The following TMEM201 variants were observed in gnomAD, a reference collection of about 807,000 sequenced individuals.
The protein encoded by TMEM201 is transmembrane protein 201, also known as RP13-15M17.2.
Under a neutral mutation model 63.4 loss-of-function variants are expected in TMEM201, and 26 were observed. The ratio of observed to expected loss-of-function variants is 0.41; its 90% CI spans 0.30 to 0.57. The LOEUF (loss-of-function observed/expected upper bound fraction) is 0.57, where lower values mean the gene tolerates loss of function less well. Among genes scored for constraint, TMEM201 ranks in the 20% least tolerant of loss-of-function variants. The pLI, the probability that TMEM201 is intolerant of heterozygous loss-of-function variation, is 0.29. For missense variants in TMEM201, 794 were observed against 917.7 expected (o/e 0.87, Z 1.74); for synonymous variants, 417 against 421.6 (o/e 0.99, Z 0.14).
Position 9,604,374 on chromosome 1 carries a change from TC to T in TMEM201, c.1160+2104del. The T allele has an allele frequency of 1.0e-6, 1 of 985,458 alleles. No homozygotes were observed. Among genetic ancestry groups the T allele is most frequent in the Non-Finnish European group, 1.2e-6 (1 of 829,938 alleles). The allele number at this position is 985,458 out of a possible 1,614,324, so 61.0% of individuals were successfully genotyped here. On this transcript the variant is annotated intron_variant, in intron 6 of 10. Transcript: ENST00000340381. This position sits in a 1 kb window ranked among gnomAD's most constrained non-coding sequence, Gnocchi z 4.1. ...AGGTAGCTCTCAGCAGAGTGAGGAT[TC>T]CTGCCTTTCGTAGAGTTTTGTGTGA... is the stretch of plus-strand genomic sequence containing the variant.
intron 3 of TMEM201, among the ~76,000 whole-genome samples, chr1:9,598,171 C>G (rs949710357): frequency 6.6e-6 from 1 of 152,230 alleles, no homozygotes; most frequent in African/African-American, 2.4e-5. Flanking sequence ...AGCTCCTGGC[C>G]TGCGGGTGCG....
rs1046283000 is a variant in TMEM201 at position 9,603,663 on chromosome 1, G to T, written c.1160+1391G>T. 5 of 985,486 alleles carry T rather than the reference G, an allele frequency of 5.1e-6. 1 individual carries two copies. Among genetic ancestry groups the T allele is most frequent in the African/African-American group, 3.5e-5 (2 of 57,354 alleles). The allele number at this position is 985,486 out of a possible 1,614,324, so 61.0% of individuals were successfully genotyped here. A position where few individuals can be genotyped will look rare whatever the true frequency, so the allele number is the denominator to read the frequency against. On this transcript the variant is annotated intron_variant, in intron 6 of 10. Coordinates refer to ENST00000340381, the MANE Select transcript of TMEM201 (RefSeq NM_001130924.3). The surrounding 1 kb of genome is among the most constrained non-coding windows in gnomAD (Gnocchi z 4.5). ...ACCTGGGTCTGCCGGGATGGGTTGG[G>T]GGGGCAGGTGCCAGGCCTCACTGCT...
Position 9,607,733 on chromosome 1 carries a change from C to T in TMEM201, c.1337C>T (p.Pro446Leu). 1 of 1,551,758 alleles carries T rather than the reference C, an allele frequency of 6.4e-7. No homozygotes were observed. Among genetic ancestry groups the T allele is most frequent in the Non-Finnish European group, 8.7e-7 (1 of 1,147,072 alleles). ...SPRRTSPSSL[P>L]GRLSRALSLG... Reference sequence around the variant, plus strand: ...CGACGGACCTCACCCTCCTCATTGCCTGGCCGCCTCAGCCGGGCCCTCTCT... The same window carrying T: ...CGACGGACCTCACCCTCCTCATTGCTTGGCCGCCTCAGCCGGGCCCTCTCT... Residue 446 changes from proline to leucine, a missense_variant, in exon 7 of 11, where the codon CCT becomes CTT. By Grantham distance (98) the Pro-to-Leu change is moderately conservative (BLOSUM62 -3). Coordinates refer to ENST00000340381, the MANE Select transcript of TMEM201 (RefSeq NM_001130924.3). The surrounding 1 kb of genome is among the most constrained non-coding windows in gnomAD (Gnocchi z 5.4).
intron 1 of TMEM201, among the ~76,000 whole-genome samples, chr1:9,594,010 CT>C (rs1423190034): frequency 6.6e-6 from 1 of 152,264 alleles, no homozygotes; most frequent in African/African-American, 2.4e-5. Flanking sequence ...AGCGAGTCTC[CT>C]TCCCTGGCTG....
intron 4 of TMEM201, among the ~76,000 whole-genome samples, chr1:9,599,833 C>T (rs1046424510): frequency 1.4e-5 from 2 of 147,436 alleles, no homozygotes; most frequent in Middle Eastern, 4.0e-3. Flanking sequence ...CTCCTGAGCT[C>T]GTGATCCGCC....
In TMEM201 at chr1:9,602,272, G is replaced by T; in HGVS notation, c.1160G>T (p.Arg387Met). 1 of 1,611,012 alleles carries T rather than the reference G, an allele frequency of 6.2e-7. No homozygotes were observed. Among genetic ancestry groups the T allele is most frequent in the Non-Finnish European group, 8.5e-7 (1 of 1,179,726 alleles). ...ATGPRRFRPR[R>M]FFPGDSAGLF... ...GGCCCACGGAGGTTCCGGCCCCGAA[G>T]GTCAGAGAAGCAGCCATGACTGCGG... is the stretch of plus-strand genomic sequence containing the variant. The change falls in exon 6 of 11, where the codon AGG becomes ATG. Residue 387 changes from arginine to methionine, a missense_variant and splice_region_variant. Coordinates refer to ENST00000340381, the MANE Select transcript of TMEM201 (RefSeq NM_001130924.3).
intron 3 of TMEM201, 137 bp downstream of exon 3, chr1:9,597,190 G>T (rs1644041161): frequency 9.3e-7 from 1 of 1,070,674 alleles, no homozygotes; most frequent in Non-Finnish European, 1.3e-6. Flanking sequence ...TCTGTTCTGA[G>T]TGCCCAAAGG....
At chr1:9,598,329 C>T in intron 3 of TMEM201, 120 bp from the exon 4 acceptor site, 1 of 1,245,592 alleles carries the variant, frequency 8.0e-7, no homozygotes, top group South Asian at 1.4e-5. Context: ...GTGGGGTTGA[C>T]TTGCCCCCGG....
chr1:9,602,857 A>C, intron 6 of TMEM201: 1 of 985,654 alleles, frequency 1.0e-6, no homozygotes, highest in Non-Finnish European at 1.2e-6. Flanking sequence ...CCGGCCCTGC[A>C]GGAGGTGGTG....
At position 9,607,623 on chromosome 1, in the gene TMEM201, T is replaced by G; in HGVS notation, c.1227T>G (p.Ser409Arg). The change falls in exon 7 of 11, where the codon AGT (serine) becomes AGG (arginine). Residue 409 changes from serine to arginine, a missense_variant. Ser to Arg is a moderately radical substitution (Grantham distance 110, BLOSUM62 -1). Transcript: ENST00000340381. This position sits in a 1 kb window ranked among gnomAD's most constrained non-coding sequence, Gnocchi z 5.4. ...TSPSLAIPHP[S>R]VGGSPASLFI... ...CCAGCTTGGCCATCCCTCACCCGAG[T>G]GTCGGAGGCTCTCCAGCGTCTCTGT... is the stretch of plus-strand genomic sequence containing the variant. 6.4e-7 allele frequency: 1 copy of G among 1,551,532 alleles called. No homozygotes were observed. Among genetic ancestry groups the G allele is most frequent in the Non-Finnish European group, 8.7e-7 (1 of 1,147,008 alleles).
chr1:9,596,716 G>A (rs1644026537), intron 2 of TMEM201, 143 bp from the exon 3 acceptor site: 3 of 843,090 alleles, frequency 3.6e-6, no homozygotes, highest in Admixed American at 3.0e-5. Context: ...AGCAGCTGCT[G>A]TTGTGTGCAG....
rs769768446 is a variant in TMEM201, at chr1:9,601,414, CT to C, written c.917del (p.Leu306ProfsTer47). ...HQTGVVALGL[L>X]TCLLAMLLAG... ...GACGGGCGTCGTGGCACTGGGCCTA[CT>C]CACCTGCCTGCTGGCAATGCTGCTG... On this transcript the variant is annotated frameshift_variant, in exon 5 of 11. Transcript: ENST00000340381. LOFTEE classifies it high-confidence loss of function. The C allele has an allele frequency of 6.3e-7, 1 of 1,596,702 alleles. No homozygotes were observed. The highest frequency in any genetic ancestry group is 1.1e-5 in the South Asian group (1 of 90,786).
chr1:9,590,971 G>T (rs1643909396), intron 1 of TMEM201, among the ~76,000 whole-genome samples: 1 of 152,228 alleles, frequency 6.6e-6, no homozygotes, highest in Non-Finnish European at 1.5e-5. Flanking sequence ...CGACTTGGCT[G>T]GGTGGGTGTT....
intron 1 of TMEM201, among the ~76,000 whole-genome samples, chr1:9,591,118 CTCAG>C (rs1272110313): frequency 2.6e-5 from 4 of 152,224 alleles, no homozygotes; most frequent in Non-Finnish European, 5.9e-5. Flanking sequence ...CTCCCACAGC[CTCAG>C]TCAGGGCCCG....
In TMEM201 at chr1:9,611,844, G is replaced by A. The variant is rs199833701; in HGVS notation, c.1857G>A (p.Val619=). Residue 619 remains valine, a synonymous_variant, in exon 10 of 11, where the codon GTG becomes GTA. Transcript: ENST00000340381. The part of the protein sequence containing the change: ...DDSSQSSTCV[V]DTTTRGCSEE... Reference sequence around the variant, plus strand: ...CTTCCCAGTCATCTACCTGTGTGGTGGACACCACCACCAGGGGCTGCTCGG... The same window carrying A: ...CTTCCCAGTCATCTACCTGTGTGGTAGACACCACCACCAGGGGCTGCTCGG... 3.8e-5 allele frequency: 59 copies of A among 1,550,620 alleles called. No homozygotes were observed. Among genetic ancestry groups the A allele is most frequent in the Non-Finnish European group, 4.2e-5 (48 of 1,146,978 alleles).
Position 9,608,798 on chromosome 1 carries a change from C to G in TMEM201, c.1393+1009C>G, listed in dbSNP as rs1052344477. Among the ~76,000 whole-genome samples the G allele has an allele frequency of 2.0e-5, 3 of 152,200 alleles. No homozygotes were observed. Among genetic ancestry groups the G allele is most frequent in the African/African-American group, 7.2e-5 (3 of 41,460 alleles). ...GCAATCTCCCTGTTAAGGCTCAAGG[C>G]AGGGACACAGTAGCGACCTGTCTGA... On this transcript the variant is annotated intron_variant, in intron 7 of 10. Coordinates refer to ENST00000340381, the MANE Select transcript of TMEM201 (RefSeq NM_001130924.3). The surrounding 1 kb of genome is among the most constrained non-coding windows in gnomAD (Gnocchi z 4.3).
At chr1:9,591,009 G>A (rs1186738522) in intron 1 of TMEM201, among the ~76,000 whole-genome samples, 1 of 152,216 alleles carries the variant, frequency 6.6e-6, no homozygotes, top group African/African-American at 2.4e-5. Context: ...GATGGACAGA[G>A]AGGAAGATGT....
At chr1:9,595,540 C>T (rs1201571538) in intron 1 of TMEM201, among the ~76,000 whole-genome samples, 1 of 152,144 alleles carries the variant, frequency 6.6e-6, no homozygotes, top group Non-Finnish European at 1.5e-5. Context: ...GTGTGAGCCC[C>T]AGGCCACCAG....
At chr1:9,590,359 C>A (rs1643899967) in intron 1 of TMEM201, among the ~76,000 whole-genome samples, 1 of 152,216 alleles carries the variant, frequency 6.6e-6, no homozygotes, top group African/African-American at 2.4e-5. Context: ...ACCCGGTGTT[C>A]TTCCTGGACG....
Sources: allele counts gnomAD v4.1 joint callset (sites outside exome capture counted in the v4.1 genomes callset), GRCh38; gene constraint gnomAD v4.1.1; non-coding constraint Gnocchi (gnomAD v3.1); transcripts MANE v1.5; gene names NCBI Gene and HGNC (gene_info 2026-07-23, HGNC 2026-07-21).